The following NOP14 variants were observed in gnomAD, a reference collection of about 807,000 sequenced individuals.
The protein encoded by NOP14 is nucleolar protein 14.
NOP14 carries 57 observed loss-of-function variants against 101.6 expected under a neutral mutation model. That is an observed-to-expected ratio of 0.56 (90% CI 0.45 to 0.70). NOP14 has a LOEUF of 0.70. NOP14 is among the 30% of genes least tolerant of loss of function. The pLI is 0.00. For synonymous variants in NOP14, 428 were observed against 424.0 expected (o/e 1.01, Z -0.12); for missense variants, 1,134 against 1,075.5 (o/e 1.05, Z -0.76).
chr4:2,946,525 T>A lies in NOP14; in HGVS notation c.1522A>T (p.Met508Leu), dbSNP rs1237998952. Reference sequence around the variant, plus strand: ...GCGTCACTTGCAGATTCAGGAAACATCTGGCAAAGATGATATAAGTGCCTG... The same window carrying A: ...GCGTCACTTGCAGATTCAGGAAACAACTGGCAAAGATGATATAAGTGCCTG... ...LVVHLYHLCQ[M>L]FPESASDAIK... Residue 508 changes from methionine to leucine, a missense_variant, in exon 11 of 18, where the codon ATG (methionine) becomes TTG (leucine). Physicochemically the swap from Met to Leu is conservative, Grantham distance 15 (BLOSUM62 2). Transcript: ENST00000416614. The A allele has an allele frequency of 6.2e-7, 1 of 1,614,120 alleles. No individual in the cohort carries two copies. The highest frequency in any genetic ancestry group is 1.6e-4 in the Middle Eastern group (1 of 6,062).
intron 1 of NOP14, among the ~76,000 whole-genome samples, chr4:2,962,924 G>A (rs1473055637): frequency 6.6e-6 from 1 of 152,194 alleles, no homozygotes; most frequent in Non-Finnish European, 1.5e-5. Context: ...CGAGTGCAGG[G>A]TCTCCAAGAC....
chr4:2,952,774 CTT>C (rs1481522209), intron 5 of NOP14, among the ~76,000 whole-genome samples: 1 of 152,204 alleles, frequency 6.6e-6, no homozygotes, highest in Non-Finnish European at 1.5e-5. Context: ...GAAACCCTGT[CTT>C]TACTAAAAAT....
intron 1 of NOP14, among the ~76,000 whole-genome samples, chr4:2,960,725 C>A (rs35681707): frequency 9.2e-6 from 1 of 109,004 alleles, no homozygotes; most frequent in African/African-American, 3.8e-5. Flanking sequence ...ATATTATAAT[C>A]ACATTAATAT....
At position 2,959,598 on chromosome 4, in the gene NOP14, C is replaced by CAA. The variant is rs375359403; in HGVS notation, c.196-1860_196-1859dup. ...ACAGACAAAGACTCTGTCTCAAAAA[C>CAA]AAAAAAAAACAAAAAACACAAACAA... On this transcript the variant is annotated intron_variant, in intron 1 of 17. Transcript: ENST00000416614. Among the ~76,000 whole-genome samples the CAA allele has an allele frequency of 2.6e-3, 387 of 149,966 alleles. 3 individuals carry two copies. Among genetic ancestry groups the CAA allele is most frequent in the South Asian group, 4.4e-3 (21 of 4,726 alleles).
At chr4:2,952,233 G>T (rs763864973) in intron 6 of NOP14, 42 bp downstream of exon 6, 2 of 1,601,068 alleles carry the variant, frequency 1.2e-6, no homozygotes, top group Admixed American at 3.4e-5. Context: ...GGCTGTGGAC[G>T]GACAGCAGCA....
chr4:2,957,513 G>T, intron 2 of NOP14, 93 bp downstream of exon 2: 1 of 1,491,228 alleles, frequency 6.7e-7, no homozygotes, highest in South Asian at 1.2e-5. Flanking sequence ...GAGTGCCCAG[G>T]AACATGCAAA....
At position 2,947,578 on chromosome 4, in the gene NOP14, C is replaced by T. The variant is rs753700169; in HGVS notation, c.1447G>A (p.Asp483Asn). Residue 483 changes from aspartate (D) to asparagine (N), a missense_variant, in exon 10 of 18, where the codon GAT (aspartate) becomes AAT (asparagine). Coordinates refer to ENST00000416614, the MANE Select transcript of NOP14 (RefSeq NM_001291978.2). Reference protein sequence around the residue: ...LFGFLLEYVGDLATDDPPDLT... With the variant: ...LFGFLLEYVGNLATDDPPDLT... Reference sequence around the variant, plus strand: ...TCTGGTGGGTCATCTGTAGCCAAATCGCCAACGTATTCCAAAAGAAAGCCA... The same window carrying T: ...TCTGGTGGGTCATCTGTAGCCAAATTGCCAACGTATTCCAAAAGAAAGCCA... 24 of 1,613,996 alleles carry T rather than the reference C, an allele frequency of 1.5e-5. No homozygotes were observed. The highest frequency in any genetic ancestry group is 1.9e-5 in the Non-Finnish European group (23 of 1,179,988).
At position 2,957,590 on chromosome 4, in the gene NOP14, C is replaced by T; in HGVS notation, c.330+16G>A. ...GAAATGTACAGCAAAAACCCTCCTC[C>T]AGTTTCTTTCCATACCTGCTGTTCC... On this transcript the variant is annotated intron_variant, in intron 2 of 17. Coordinates refer to ENST00000416614, the MANE Select transcript of NOP14 (RefSeq NM_001291978.2). 2.5e-6 allele frequency: 4 copies of T among 1,613,328 alleles called. No homozygotes were observed. In the South Asian group the frequency reaches 3.3e-5, roughly 13 times the overall value.
At chr4:2,942,439 C>G in intron 13 of NOP14, 88 bp from the exon 14 acceptor site, 1 of 1,348,760 alleles carries the variant, frequency 7.4e-7, no homozygotes, top group Non-Finnish European at 1.0e-6. Flanking sequence ...TGGAAGTTCA[C>G]CCTCTAACAG....
intron 1 of NOP14, among the ~76,000 whole-genome samples, chr4:2,959,031 G>A (rs1050434244): frequency 2.6e-5 from 4 of 152,164 alleles, no homozygotes; most frequent in African/African-American, 4.8e-5. Flanking sequence ...GTGGACAGGA[G>A]AAAAGGATGT....
rs542858022 is a variant in NOP14, at chr4:2,950,480, G to T, written c.1003-267C>A. On this transcript the variant is annotated intron_variant, in intron 7 of 17. Coordinates refer to ENST00000416614, the MANE Select transcript of NOP14 (RefSeq NM_001291978.2). ...TCAGCTTTTGCCAGGGAGCAGCATG[G>T]GACTGGGATTTGGAAGGTGTACAGT... 1.4e-4 allele frequency: 71 copies of T among 523,006 alleles called. 1 individual carries two copies. In the South Asian group the frequency reaches 1.4e-3, roughly 10 times the overall value. 32.4% of individuals were successfully genotyped at this position (523,006 alleles called of 1,614,324 possible). A position where few individuals can be genotyped will look rare whatever the true frequency, so the allele number is the denominator to read the frequency against.
rs76561293 is a variant in NOP14, at chr4:2,945,193, T to C, written c.1672A>G (p.Thr558Ala). 7.5e-3 allele frequency: 11,892 copies of C among 1,586,016 alleles called. 272 individuals are homozygous for C. Among genetic ancestry groups the C allele is most frequent in the African/African-American group, 0.071 (5,271 of 74,568 alleles). Residue 558 changes from threonine (T) to alanine (A), a missense_variant, in exon 12 of 18, where the codon ACT becomes GCT. Coordinates refer to ENST00000416614, the MANE Select transcript of NOP14 (RefSeq NM_001291978.2). ...YLKITGLLFP[T>A]SDFWHPVVTP... ...ACCACTGGGTGCCAGAAGTCGGAAG[T>C]TGGAAATAGCAGCCCAGTGATTTTC...
chr4:2,941,885 C>CA lies in NOP14; in HGVS notation c.2052-157dup, dbSNP rs1714226706. The CA allele has an allele frequency of 3.5e-6, 3 of 853,038 alleles. No individual in the cohort carries two copies. The East Asian group carries it at 8.0e-5, about 23-fold the overall frequency. 52.8% of individuals were successfully genotyped at this position (853,038 alleles called of 1,614,324 possible). A position where few individuals can be genotyped will look rare whatever the true frequency, so the allele number is the denominator to read the frequency against. ...AGGGTTGGGCCCATGCAACCACGGG[C>CA]AAGGCAGGCTCAGGGTCAGGCCTAA... On this transcript the variant is annotated intron_variant, in intron 14 of 17. Transcript: ENST00000416614.
intron 5 of NOP14, among the ~76,000 whole-genome samples, chr4:2,952,960 A>G (rs568814146): frequency 4.6e-5 from 7 of 152,346 alleles, no homozygotes; most frequent in Middle Eastern, 3.4e-3. Flanking sequence ...CAAAAACGCT[A>G]CTTATCCAGG....
At chr4:2,943,204 G>A (rs527983689) in intron 13 of NOP14, among the ~76,000 whole-genome samples, 1 of 152,256 alleles carries the variant, frequency 6.6e-6, no homozygotes, top group Non-Finnish European at 1.5e-5. Flanking sequence ...CACTGAACCG[G>A]AAGAGTGGGC....
At chr4:2,941,155 C>G (rs1483939910) in intron 15 of NOP14, 1 of 170,220 alleles carries the variant, frequency 5.9e-6, no homozygotes, top group Non-Finnish European at 1.3e-5. Flanking sequence ...GATGTGCCAT[C>G]AAAGACTTGT....
At position 2,953,665 on chromosome 4, in the gene NOP14, C is replaced by T; in HGVS notation, c.613-20G>A. On this transcript the variant is annotated intron_variant, in intron 4 of 17. Coordinates refer to ENST00000416614, the MANE Select transcript of NOP14 (RefSeq NM_001291978.2). ...CTCCCTCTGGGGAAAAAATAACAGA[C>T]ACACACCACATACCGTTACTACTGG... 6.2e-7 allele frequency: 1 copy of T among 1,613,886 alleles called. No homozygotes were observed. The highest frequency in any genetic ancestry group is 8.5e-7 in the Non-Finnish European group (1 of 1,179,914).
rs1715006980 is a variant in NOP14 at position 2,951,194 on chromosome 4, TC to T, written c.921del (p.Lys308AsnfsTer10). ...MLGKDEDENV[K>X]KPKHMSADDL... ...TCATCTGCTGACATATGTTTTGGTT[TC>T]TTAACATTTTCATCCTCATCCTTTC... On this transcript the variant is annotated frameshift_variant, in exon 7 of 18. Coordinates refer to ENST00000416614, the MANE Select transcript of NOP14 (RefSeq NM_001291978.2). LOFTEE classifies it high-confidence loss of function. The T allele has an allele frequency of 6.2e-7, 1 of 1,613,958 alleles. No individual in the cohort carries two copies. The highest frequency in any genetic ancestry group is 2.2e-5 in the East Asian group (1 of 44,880).
At chr4:2,958,681 G>A (rs916491945) in intron 1 of NOP14, among the ~76,000 whole-genome samples, 1 of 152,194 alleles carries the variant, frequency 6.6e-6, no homozygotes, top group African/African-American at 2.4e-5. Context: ...CCTCTAATTT[G>A]TGAAGTCACT....
Sources: allele counts gnomAD v4.1 joint callset (sites outside exome capture counted in the v4.1 genomes callset), GRCh38; gene constraint gnomAD v4.1.1; transcripts MANE v1.5; gene names NCBI Gene and HGNC (gene_info 2026-07-23, HGNC 2026-07-21).